The following KCNQ5 variants were observed in gnomAD, a reference collection of about 807,000 sequenced individuals.
The protein encoded by KCNQ5 is potassium voltage-gated channel subfamily Q member 5, also known as potassium voltage-gated channel subfamily KQT member 5.
In KCNQ5, 30 loss-of-function variants were observed where a neutral mutation model predicts 98.2. The ratio of observed to expected loss-of-function variants is 0.31; its 90% CI spans 0.23 to 0.41. KCNQ5 has a LOEUF of 0.41. Among genes scored for constraint, KCNQ5 ranks in the 10% least tolerant of loss-of-function variants. The probability of loss-of-function intolerance (pLI) is 1.00; values close to 1 mark genes in which losing one functional copy is unlikely to be tolerated. For synonymous variants in KCNQ5, 458 were observed against 449.4 expected, an observed-to-expected ratio of 1.02 and a Z score of -0.24; for missense variants, 835 against 1,182.5, an observed-to-expected ratio of 0.71 and a Z score of 4.31.
chr6:72,755,664 T>C (rs1039399591), intron 1 of KCNQ5, among the ~76,000 whole-genome samples: 2 of 152,208 alleles, frequency 1.3e-5, no homozygotes, highest in African/African-American at 4.8e-5. Flanking sequence ...TTGTCATACA[T>C]TTTACTTCTA....
At chr6:73,123,393 T>A (rs1287435098) in intron 8 of KCNQ5, among the ~76,000 whole-genome samples, 2 of 152,212 alleles carry the variant, frequency 1.3e-5, no homozygotes, top group East Asian at 3.9e-4. Context: ...ATGCTCTTGT[T>A]CCCCAGTTTT....
intron 1 of KCNQ5, among the ~76,000 whole-genome samples, chr6:72,680,061 A>G (rs972719111): frequency 1.3e-5 from 2 of 152,316 alleles, no homozygotes; most frequent in Non-Finnish European, 2.9e-5. Context: ...AAAAAATTTT[A>G]AAAAGTATAA....
chr6:73,133,954 T>C, intron 10 of KCNQ5: 1 of 504,758 alleles, frequency 2.0e-6, no homozygotes, highest in Non-Finnish European at 4.0e-6. Context: ...GGGACTGTCA[T>C]TCTGATGTAT....
At chr6:73,163,404 T>G (rs1338256165) in intron 10 of KCNQ5, among the ~76,000 whole-genome samples, 1 of 152,032 alleles carries the variant, frequency 6.6e-6, no homozygotes, top group Non-Finnish European at 1.5e-5. Context: ...TCAAGAAATA[T>G]ATAATAATCA....
intron 1 of KCNQ5, among the ~76,000 whole-genome samples, chr6:72,631,328 G>A (rs948672466): frequency 6.6e-6 from 1 of 152,062 alleles, no homozygotes. Flanking sequence ...TCACGAGGAA[G>A]GCAAATAAAG....
At chr6:73,105,407 C>A in intron 6 of KCNQ5, 40 bp downstream of exon 6, 2 of 1,248,778 alleles carry the variant, frequency 1.6e-6, no homozygotes, top group Admixed American at 1.9e-5. Flanking sequence ...TAAATTAGAT[C>A]TTAGAGACTT....
intron 2 of KCNQ5, among the ~76,000 whole-genome samples, chr6:73,036,623 T>A (rs898720541): frequency 6.6e-6 from 1 of 152,178 alleles, no homozygotes; most frequent in Non-Finnish European, 1.5e-5. Flanking sequence ...TGACTTTTCT[T>A]GCACTCAATA....
chr6:73,103,633 A>G (rs1774885990), intron 5 of KCNQ5, among the ~76,000 whole-genome samples: 2 of 152,176 alleles, frequency 1.3e-5, no homozygotes, highest in Non-Finnish European at 2.9e-5. Flanking sequence ...TTAAAGTATA[A>G]TAATTAAAAA....
At chr6:72,665,006 T>C (rs921309494) in intron 1 of KCNQ5, among the ~76,000 whole-genome samples, 4 of 152,188 alleles carry the variant, frequency 2.6e-5, no homozygotes, top group Admixed American at 2.0e-4. Context: ...AGTACAAATA[T>C]ATTTTTGCGT....
At chr6:72,687,456 GC>G (rs1312733431) in intron 1 of KCNQ5, among the ~76,000 whole-genome samples, 1 of 152,154 alleles carries the variant, frequency 6.6e-6, no homozygotes, top group Non-Finnish European at 1.5e-5. Flanking sequence ...CGTAGGCCCT[GC>G]CTTCAAGGAG....
chr6:72,740,682 C>G (rs1771086872), intron 1 of KCNQ5, among the ~76,000 whole-genome samples: 1 of 152,016 alleles, frequency 6.6e-6, no homozygotes, highest in South Asian at 2.1e-4. Context: ...ATGAAGACTT[C>G]TCCAAGCAGA....
chr6:72,640,966 G>A (rs1037242155), intron 1 of KCNQ5: 16 of 152,026 alleles, frequency 1.1e-4, no homozygotes, highest in African/African-American at 3.6e-4. Context: ...CTTTAAATAA[G>A]CATTGTAGTG....
chr6:72,789,055 G>T (rs1194355131), intron 1 of KCNQ5, among the ~76,000 whole-genome samples: 1 of 152,126 alleles, frequency 6.6e-6, no homozygotes, highest in Non-Finnish European at 1.5e-5. Flanking sequence ...TGGAGCCAAA[G>T]GCATTATCTG....
intron 1 of KCNQ5, among the ~76,000 whole-genome samples, chr6:72,729,033 C>T (rs1202534008): frequency 6.6e-6 from 1 of 152,034 alleles, no homozygotes; most frequent in African/African-American, 2.4e-5. Context: ...AAGTACTGCG[C>T]AATGTTCTTT....
chr6:73,105,999 TAC>T (rs1214431847), intron 6 of KCNQ5, among the ~76,000 whole-genome samples: 4 of 152,316 alleles, frequency 2.6e-5, no homozygotes, highest in African/African-American at 9.6e-5. Flanking sequence ...TTCAAAATAT[TAC>T]AGTTTGCCCC....
intron 1 of KCNQ5, among the ~76,000 whole-genome samples, chr6:72,871,096 C>T (rs1000071048): frequency 2.0e-5 from 3 of 152,196 alleles, no homozygotes; most frequent in African/African-American, 7.2e-5. Flanking sequence ...TGAGCATCCT[C>T]TATGCCCCAG....
At chr6:72,680,241 T>A (rs1767638424) in intron 1 of KCNQ5, among the ~76,000 whole-genome samples, 1 of 152,216 alleles carries the variant, frequency 6.6e-6, no homozygotes, top group South Asian at 2.1e-4. Flanking sequence ...TTTATCTCTA[T>A]GTATTTGCCT....
intron 1 of KCNQ5, among the ~76,000 whole-genome samples, chr6:72,856,469 T>TACACACACAC (rs767112412): frequency 1.4e-4 from 8 of 58,950 alleles, no homozygotes; most frequent in African/African-American, 3.0e-4. Flanking sequence ...CACACACATA[T>TACACACACAC]ATACACACAC....
intron 2 of KCNQ5, among the ~76,000 whole-genome samples, chr6:73,032,580 C>T (rs747115177): frequency 3.3e-5 from 5 of 152,140 alleles, no homozygotes; most frequent in African/African-American, 7.2e-5. Context: ...GAGACACTTT[C>T]GGTGTTTCCA....
Sources: allele counts gnomAD v4.1 joint callset (sites outside exome capture counted in the v4.1 genomes callset), GRCh38; gene constraint gnomAD v4.1.1; transcripts MANE v1.5; gene names NCBI Gene and HGNC (gene_info 2026-07-23, HGNC 2026-07-21).